VSTM5: variants seen among roughly 807,000 people sequenced by gnomAD.
VSTM5 encodes the protein V-set and transmembrane domain-containing protein 5.
Under a neutral mutation model 20.3 loss-of-function variants are expected in VSTM5, and 21 were observed. The ratio of observed to expected loss-of-function variants is 1.03; its 90% confidence interval spans 0.73 to 1.49. The LOEUF is 1.49. Ranked by LOEUF, VSTM5 falls within the 40% of genes most tolerant of loss-of-function variation. VSTM5 has a pLI of 0.00. For synonymous variants in VSTM5, 100 were observed against 102.5 expected, an observed-to-expected ratio of 0.98 and a Z score of 0.14; for missense variants, 219 against 250.0, an observed-to-expected ratio of 0.88 and a Z score of 0.84.
intron 1 of VSTM5, among the ~76,000 whole-genome samples, chr11:93,823,339 T>A (rs768211570): frequency 6.6e-6 from 1 of 152,120 alleles, no homozygotes; most frequent in Non-Finnish European, 1.5e-5. Context: ...CTTTAAAAAT[T>A]TTTTTTAAAT....
chr11:93,846,492 C>T (rs575457064), intron 1 of VSTM5, among the ~76,000 whole-genome samples: 1 of 152,330 alleles, frequency 6.6e-6, no homozygotes, highest in Non-Finnish European at 1.5e-5. Flanking sequence ...GCTGGCACCT[C>T]TTCCATACGA....
chr11:93,832,858 A>C (rs1944293730), intron 1 of VSTM5, among the ~76,000 whole-genome samples: 1 of 152,208 alleles, frequency 6.6e-6, no homozygotes, highest in African/African-American at 2.4e-5. Context: ...TCATGGTCCC[A>C]CAGATGCCCC....
At position 93,821,036 on chromosome 11, in the gene VSTM5, C is replaced by G. The variant is rs1360069075; in HGVS notation, c.379G>C (p.Gly127Arg). The change falls in exon 2 of 4, where the codon GGG becomes CGG. Residue 127 changes from glycine to arginine, a missense_variant. Coordinates refer to ENST00000409977, the MANE Select transcript of VSTM5 (RefSeq NM_001144871.2). ...YYVITVTERL[G>R]SSQFGTIVLH... ...ACGATGGTGCCAAACTGGCTGCTCCCCAGGCGCTCCGTCACGGTGATGACA... is the reference window on the plus strand; with the variant it reads ...ACGATGGTGCCAAACTGGCTGCTCCGCAGGCGCTCCGTCACGGTGATGACA... The G allele has an allele frequency of 6.4e-7, 1 of 1,551,706 alleles. No homozygotes were observed.
chr11:93,834,011 G>A (rs886645652), intron 1 of VSTM5, among the ~76,000 whole-genome samples: 3 of 151,760 alleles, frequency 2.0e-5, no homozygotes, highest in Admixed American at 2.0e-4. Context: ...CAGTTCCATT[G>A]CCCATCAGGA....
Position 93,821,541 on chromosome 11 carries a change from A to G in VSTM5, c.92-218T>C. The stretch of plus-strand genomic sequence containing the variant: ...CACAGAGCAACCTTTTTCCATTTTG[A>G]AGACTATTTAGAATGCTCCCTTTTA... On this transcript the variant is annotated intron_variant, in intron 1 of 3. Transcript: ENST00000409977. The G allele has an allele frequency of 5.3e-6, 3 of 567,750 alleles. No homozygotes were observed. The South Asian group carries it at 6.8e-5, about 13-fold the overall frequency. The allele number at this position is 567,750 out of a possible 1,614,324, so 35.2% of individuals were successfully genotyped here.
In VSTM5 at chr11:93,831,308, C is replaced by T. The variant is rs79043178; in HGVS notation, c.92-9985G>A. Among the ~76,000 whole-genome samples, 352 of 152,220 alleles carry T rather than the reference C, an allele frequency of 2.3e-3. 13 individuals carry two copies. In the East Asian group the frequency reaches 0.058, roughly 25 times the overall value. On this transcript the variant is annotated intron_variant, in intron 1 of 3. Coordinates refer to ENST00000409977, the MANE Select transcript of VSTM5 (RefSeq NM_001144871.2). ...CCTCCCCAAGTGCTAGGATTACAGGCGGCACAGTTTTAAGCCACAACTAAA... is the reference window on the plus strand; with the variant it reads ...CCTCCCCAAGTGCTAGGATTACAGGTGGCACAGTTTTAAGCCACAACTAAA...
At chr11:93,822,822 G>A (rs112890870) in intron 1 of VSTM5, among the ~76,000 whole-genome samples, 3,486 of 152,234 alleles carry the variant, frequency 0.023, 157 homozygotes, top group African/African-American at 0.08. Context: ...TATCAATCAC[G>A]TATCTATGTT....
At chr11:93,836,456 A>C (rs1288389400) in intron 1 of VSTM5, among the ~76,000 whole-genome samples, 1 of 152,190 alleles carries the variant, frequency 6.6e-6, no homozygotes, top group Non-Finnish European at 1.5e-5. Context: ...GCACGCCCTC[A>C]TACCCTGAGA....
At chr11:93,824,325 A>T (rs1016864012) in intron 1 of VSTM5, among the ~76,000 whole-genome samples, 5 of 151,980 alleles carry the variant, frequency 3.3e-5, no homozygotes, top group Non-Finnish European at 5.9e-5. Flanking sequence ...CTTGACCAAC[A>T]TTTGTCACCT....
intron 1 of VSTM5, among the ~76,000 whole-genome samples, chr11:93,849,159 C>T (rs551716998): frequency 5.9e-5 from 9 of 152,118 alleles, no homozygotes; most frequent in East Asian, 3.9e-4. Context: ...CTTTTTCTTT[C>T]GCTTTGGAGA....
rs184641264 is a variant in VSTM5 at position 93,820,322 on chromosome 11, A to C, written c.*247T>G. On this transcript the variant is annotated 3_prime_UTR_variant, in exon 4 of 4. Coordinates refer to ENST00000409977, the MANE Select transcript of VSTM5 (RefSeq NM_001144871.2). Reference sequence around the variant, plus strand: ...TGTGTCAGCACGGCCCTGATGCTGCAGCCAAGCGAAGCTCCTGGTTCAAAG... The same window carrying C: ...TGTGTCAGCACGGCCCTGATGCTGCCGCCAAGCGAAGCTCCTGGTTCAAAG... 1.2e-5 allele frequency: 6 copies of C among 520,358 alleles called. No individual in the cohort carries two copies. Among genetic ancestry groups the C allele is most frequent in the Non-Finnish European group, 2.1e-5 (6 of 288,158 alleles). The allele number at this position is 520,358 out of a possible 1,614,324, so 32.2% of individuals were successfully genotyped here. A position where few individuals can be genotyped will look rare whatever the true frequency, so the allele number is the denominator to read the frequency against.
At chr11:93,847,863 A>G (rs1275629070) in intron 1 of VSTM5, among the ~76,000 whole-genome samples, 1 of 152,196 alleles carries the variant, frequency 6.6e-6, no homozygotes, top group African/African-American at 2.4e-5. Context: ...GGGAAGCTCA[A>G]GATCAAGGTG....
At chr11:93,843,558 C>T (rs1400021165) in intron 1 of VSTM5, among the ~76,000 whole-genome samples, 1 of 152,186 alleles carries the variant, frequency 6.6e-6, no homozygotes, top group Admixed American at 6.5e-5. Context: ...CTAATGGCAT[C>T]TCGTTGCAGG....
chr11:93,828,448 AT>A (rs1304493695), intron 1 of VSTM5, among the ~76,000 whole-genome samples: 1 of 152,240 alleles, frequency 6.6e-6, no homozygotes, highest in Non-Finnish European at 1.5e-5. Context: ...TTACAAATAA[AT>A]TACAAAGGTT....
intron 1 of VSTM5, among the ~76,000 whole-genome samples, chr11:93,838,148 G>A (rs936295728): frequency 6.6e-6 from 1 of 151,924 alleles, no homozygotes; most frequent in Non-Finnish European, 1.5e-5. Flanking sequence ...TCCCCTTTCC[G>A]AGCCACTTCG....
chr11:93,832,511 C>T (rs1183603235), intron 1 of VSTM5, among the ~76,000 whole-genome samples: 1 of 149,634 alleles, frequency 6.7e-6, no homozygotes, highest in Non-Finnish European at 1.5e-5. Flanking sequence ...CTTTTTTGAA[C>T]AATAGTAATA....
At chr11:93,825,948 A>G (rs560048075) in intron 1 of VSTM5, among the ~76,000 whole-genome samples, 53 of 151,438 alleles carry the variant, frequency 3.5e-4, no homozygotes, top group Admixed American at 1.8e-3. Context: ...AAAAAAAAAG[A>G]AATAAAGGCC....
intron 1 of VSTM5, among the ~76,000 whole-genome samples, chr11:93,840,067 A>G (rs1218713076): frequency 6.6e-6 from 1 of 152,216 alleles, no homozygotes; most frequent in Non-Finnish European, 1.5e-5. Flanking sequence ...TCCCTCTTAC[A>G]GGCCTGAGAA....
chr11:93,821,016 G>A lies in VSTM5; in HGVS notation c.399C>T (p.Thr133=). 1 of 1,551,714 alleles carries A rather than the reference G, an allele frequency of 6.4e-7. No homozygotes were observed. The highest frequency in any genetic ancestry group is 8.7e-7 in the Non-Finnish European group (1 of 1,147,010). The change falls in exon 2 of 4, where the codon ACC becomes ACT. Residue 133 remains threonine, a synonymous_variant. Coordinates refer to ENST00000409977, the MANE Select transcript of VSTM5 (RefSeq NM_001144871.2). ...TCTTACCAGAGACGTGCAGCACGATGGTGCCAAACTGGCTGCTCCCCAGGC... is the reference window on the plus strand; with the variant it reads ...TCTTACCAGAGACGTGCAGCACGATAGTGCCAAACTGGCTGCTCCCCAGGC... ...TERLGSSQFG[T]IVLHVSEILY...
Sources: gnomAD v4.1 joint callset for allele counts (sites outside exome capture counted in the v4.1 genomes callset) on GRCh38, gnomAD v4.1.1 for gene constraint, MANE v1.5 for transcripts, NCBI Gene and HGNC (gene_info 2026-07-23, HGNC 2026-07-21) for gene names.